Variants in NELFB observed in about 807,000 individuals in gnomAD.
NELFB encodes negative elongation factor B.
In NELFB, 34 loss-of-function variants were observed where a neutral mutation model predicts 60.2. That is an observed-to-expected ratio of 0.56 (90% confidence interval 0.43 to 0.75). NELFB has a LOEUF of 0.75. Ranked by LOEUF, NELFB falls within the 30% of genes least tolerant of loss-of-function variation. NELFB has a pLI of 0.00. For missense variants in NELFB, 770 were observed against 831.6 expected (o/e 0.93, Z 0.91); for synonymous variants, 459 against 382.1 (o/e 1.20, Z -2.35).
intron 12 of NELFB, 81 bp from the exon 13 acceptor site, chr9:137,272,701 G>T: frequency 1.3e-6 from 2 of 1,523,256 alleles, no homozygotes; most frequent in South Asian, 2.5e-5. Context: ...TGGTGCTTGT[G>T]TGTGGTCGGT....
rs750447686 is a variant in NELFB, at chr9:137,263,141, C to G, written c.846C>G (p.Tyr282Ter). The stretch of plus-strand genomic sequence containing the variant: ...TCCTGCGCACGCGGAATGTGCACTA[C>G]TGCACGCTGCGGGCTGAGCTGCTCA... The change falls in exon 5 of 13, where the codon TAC becomes TAG. Residue 282 changes from tyrosine to a stop codon, truncating the protein, a stop_gained. Transcript: ENST00000343053. LOFTEE classifies it high-confidence loss of function. 3 of 1,614,114 alleles carry G rather than the reference C, an allele frequency of 1.9e-6. No individual in the cohort carries two copies. The highest frequency in any genetic ancestry group is 1.7e-6 in the Non-Finnish European group (2 of 1,180,006).
At chr9:137,263,300 C>T (rs1274130510) in intron 5 of NELFB, 78 bp downstream of exon 5, 5 of 1,368,712 alleles carry the variant, frequency 3.7e-6, no homozygotes, top group Non-Finnish European at 5.0e-6. Flanking sequence ...CTCCCACTCC[C>T]CGGCCCTCCC....
At chr9:137,264,431 C>A in intron 6 of NELFB, 74 bp downstream of exon 6, 1 of 1,098,384 alleles carries the variant, frequency 9.1e-7, no homozygotes, top group Non-Finnish European at 1.3e-6. Context: ...CTGTGTTTTG[C>A]CGTGGGTAGC....
chr9:137,257,832 AG>A (rs1837580800), intron 4 of NELFB, among the ~76,000 whole-genome samples: 1 of 137,618 alleles, frequency 7.3e-6, no homozygotes, highest in Non-Finnish European at 1.6e-5. Flanking sequence ...TTTAAGAGAC[AG>A]GGTCTCACTC....
chr9:137,271,605 G>A (rs931319213), intron 10 of NELFB, among the ~76,000 whole-genome samples: 5 of 152,238 alleles, frequency 3.3e-5, no homozygotes, highest in Non-Finnish European at 5.9e-5. Context: ...GAAGAGTTTC[G>A]TTCTCTTTCC....
At chr9:137,265,075 C>T (rs549819892) in intron 6 of NELFB, among the ~76,000 whole-genome samples, 1 of 142,108 alleles carries the variant, frequency 7.0e-6, no homozygotes, top group East Asian at 2.2e-4. Context: ...GTCTCTGTCA[C>T]CCAGGCTTTA....
rs542175065 is a variant in NELFB at position 137,269,434 on chromosome 9, G to A, written c.1489+2088G>A. 3.3e-5 allele frequency among the ~76,000 whole-genome samples: 5 copies of A among 152,276 alleles called. No individual in the cohort carries two copies. Among genetic ancestry groups the A allele is most frequent in the South Asian group, 2.1e-4 (1 of 4,828 alleles). ...GGTTTGTTTATTTTTTGAGACTTCC[G>A]GGAACATAGTTATAAATAACTTTAA... On this transcript the variant is annotated intron_variant, in intron 10 of 12. Transcript: ENST00000343053. The surrounding 1 kb of genome is among the most constrained non-coding windows in gnomAD (Gnocchi z 5.3).
rs771439450 is a variant in NELFB, at chr9:137,267,048, A to G, written c.1344A>G (p.Pro448=). 5.0e-6 allele frequency: 8 copies of G among 1,613,984 alleles called. No individual in the cohort carries two copies. Among genetic ancestry groups the G allele is most frequent in the Non-Finnish European group, 5.9e-6 (7 of 1,180,024 alleles). Residue 448 remains proline, a synonymous_variant, in exon 9 of 13, where the codon CCA becomes CCG. Coordinates refer to ENST00000343053, the MANE Select transcript of NELFB (RefSeq NM_015456.5). Reference sequence around the variant, plus strand: ...AACTTCCGGCTGAGGAGAAAGCCCCAGTCTCATATCCAAACACACTTCCCG... The same window carrying G: ...AACTTCCGGCTGAGGAGAAAGCCCCGGTCTCATATCCAAACACACTTCCCG...
In NELFB at chr9:137,272,203, T is replaced by C. The variant is rs762821465; in HGVS notation, c.1612T>C (p.Phe538Leu). The stretch of plus-strand genomic sequence containing the variant: ...CTGCAGCAGCCTCTTCGATGGCTTC[T>C]TCCTCACCGCCTCTCCAAGGTAGGC... The change falls in exon 11 of 13, where the codon TTC becomes CTC. Residue 538 changes from phenylalanine to leucine, a missense_variant. Physicochemically the swap from Phe to Leu is conservative, Grantham distance 22 (BLOSUM62 0). Coordinates refer to ENST00000343053, the MANE Select transcript of NELFB (RefSeq NM_015456.5). 4 of 1,613,998 alleles carry C rather than the reference T, an allele frequency of 2.5e-6. No homozygotes were observed. The highest frequency in any genetic ancestry group is 1.6e-4 in the Middle Eastern group (1 of 6,082).
At chr9:137,266,526 C>G in intron 8 of NELFB, 100 bp downstream of exon 8, 5 of 1,023,496 alleles carry the variant, frequency 4.9e-6, no homozygotes, top group Non-Finnish European at 2.9e-6. Flanking sequence ...GTGGAGGCCC[C>G]TTTGGTCCCA....
At position 137,271,782 on chromosome 9, in the gene NELFB, C is replaced by T. The variant is rs550341806; in HGVS notation, c.1490-299C>T. On this transcript the variant is annotated intron_variant, in intron 10 of 12. Transcript: ENST00000343053. ...TCTTCCTCCACCCTCCTCCTGTCCC[C>T]GGGCTGTCTCCCCCTCCCTCCACCC... 9.5e-4 allele frequency among the ~76,000 whole-genome samples: 143 copies of T among 151,014 alleles called. 1 individual carries two copies. The highest frequency in any genetic ancestry group is 3.2e-3 in the African/African-American group (132 of 41,078).
At chr9:137,272,748 C>G in intron 12 of NELFB, 34 bp from the exon 13 acceptor site, 1 of 1,523,360 alleles carries the variant, frequency 6.6e-7, no homozygotes. Context: ...CCTGCCCATG[C>G]GCCTCGCCTG....
intron 12 of NELFB, 74 bp downstream of exon 12, chr9:137,272,689 T>C: frequency 1.3e-6 from 2 of 1,528,958 alleles, no homozygotes; most frequent in Non-Finnish European, 1.8e-6. Context: ...AAGCTGCCCT[T>C]GTGGTGCTTG....
rs201033785 is a variant in NELFB, at chr9:137,266,340, G to A, written c.1153G>A (p.Asp385Asn). Residue 385 changes from aspartate (D) to asparagine (N), a missense_variant, in exon 8 of 13, where the codon GAC (aspartate) becomes AAC (asparagine). By Grantham distance (23) the Asp-to-Asn change is conservative. Transcript: ENST00000343053. The stretch of plus-strand genomic sequence containing the variant: ...CCCGTCCTCCCTACAGGACAGCCCC[G>A]ACCTCCTGCTGCTGCTCCGGCTGCT... 38 of 1,612,754 alleles carry A rather than the reference G, an allele frequency of 2.4e-5. No homozygotes were observed. The Admixed American group carries it at 3.3e-4, about 14-fold the overall frequency.
chr9:137,262,756 G>A (rs919753105), intron 4 of NELFB, among the ~76,000 whole-genome samples: 7 of 152,178 alleles, frequency 4.6e-5, no homozygotes, highest in African/African-American at 1.7e-4. Flanking sequence ...ACTTGAGCCA[G>A]GAGGTCAAGG....
chr9:137,265,809 C>T (rs1006134370), intron 6 of NELFB, 68 bp from the exon 7 acceptor site: 22 of 1,067,378 alleles, frequency 2.1e-5, no homozygotes, highest in Non-Finnish European at 3.2e-5. Flanking sequence ...GCCACCCCTC[C>T]TGAGGACTGT....
chr9:137,257,379 A>T (rs1243615732), intron 4 of NELFB, among the ~76,000 whole-genome samples: 1 of 152,016 alleles, frequency 6.6e-6, no homozygotes, highest in African/African-American at 2.4e-5. Context: ...CCCAGGCTGG[A>T]GTGCAGTGGT....
At chr9:137,258,552 A>C (rs1410173949) in intron 4 of NELFB, among the ~76,000 whole-genome samples, 1 of 149,654 alleles carries the variant, frequency 6.7e-6, no homozygotes, top group Non-Finnish European at 1.5e-5. Context: ...GAGTTCAAGC[A>C]ATTCTCCTGC....
intron 4 of NELFB, 29 bp from the exon 5 acceptor site, chr9:137,263,008 T>C (rs13296455): frequency 0.75 from 1,206,830 of 1,603,424 alleles, 456,410 homozygotes; most frequent in Admixed American, 0.81. Flanking sequence ...CAGGACGGTC[T>C]GGGGGCCTGA....
Sources: allele counts gnomAD v4.1 joint callset (sites outside exome capture counted in the v4.1 genomes callset), GRCh38; gene constraint gnomAD v4.1.1; non-coding constraint Gnocchi (gnomAD v3.1); transcripts MANE v1.5; gene names NCBI Gene and HGNC (gene_info 2026-07-23, HGNC 2026-07-21).